Variants in PRKN observed in about 807,000 individuals in gnomAD.
PRKN encodes E3 ubiquitin-protein ligase parkin.
Under a neutral mutation model 59.5 loss-of-function variants are expected in PRKN, and 56 were observed. The observed-to-expected ratio is 0.94, with a 90% CI of 0.76 to 1.18. The LOEUF (loss-of-function observed/expected upper bound fraction) is 1.18, where lower values mean the gene tolerates loss of function less well. PRKN is among the 50% of genes most tolerant of loss of function. The pLI, the probability that PRKN is intolerant of heterozygous loss-of-function variation, is 0.00. For synonymous variants in PRKN, 250 were observed against 222.1 expected, an observed-to-expected ratio of 1.13 and a Z score of -1.12; for missense variants, 657 against 596.4, an observed-to-expected ratio of 1.10 and a Z score of -1.06.
intron 6 of PRKN, among the ~76,000 whole-genome samples, chr6:161,856,361 A>AAAATAAATAAATAAAT (rs113381073): frequency 2.3e-4 from 35 of 149,466 alleles, no homozygotes; most frequent in African/African-American, 5.9e-4. Context: ...ATGCCATCTC[A>AAAATAAATAAATAAAT]AAATAAATAA....
chr6:162,320,774 A>G (rs1782987437), intron 2 of PRKN, among the ~76,000 whole-genome samples: 2 of 151,838 alleles, frequency 1.3e-5, no homozygotes, highest in African/African-American at 4.8e-5. Context: ...TGAAAAAATG[A>G]AAATGCATTT....
intron 5 of PRKN, among the ~76,000 whole-genome samples, chr6:162,022,518 C>T (rs182412092): frequency 1.3e-4 from 20 of 152,018 alleles, no homozygotes; most frequent in Admixed American, 5.9e-4. Context: ...CCCTTTTAAC[C>T]GGTCTTTATT....
chr6:162,687,158 C>A (rs953164583), intron 1 of PRKN, among the ~76,000 whole-genome samples: 2 of 149,112 alleles, frequency 1.3e-5, no homozygotes, highest in South Asian at 2.1e-4. Flanking sequence ...TTCTTCTGAT[C>A]TATGATTAGA....
At chr6:162,543,864 G>C (rs938856696) in intron 1 of PRKN, among the ~76,000 whole-genome samples, 4 of 152,150 alleles carry the variant, frequency 2.6e-5, no homozygotes, top group African/African-American at 4.8e-5. Context: ...GCAAGGTGCA[G>C]GCCCAGCAAA....
rs1240306663 is a variant in PRKN, at chr6:161,386,844, G to T, written c.1117C>A (p.His373Asn). 2 of 1,613,926 alleles carry T rather than the reference G, an allele frequency of 1.2e-6. No individual in the cohort carries two copies. The highest frequency in any genetic ancestry group is 3.3e-5 in the Admixed American group (2 of 59,992). ...AFCRECKEAY[H>N]EGECSAVFEA... ...AATACGGCACTGCACTCCCCTTCAT[G>T]GTACGCTTCTTTACATTCCCGGCAG... Residue 373 changes from histidine (H) to asparagine (N), a missense_variant, in exon 10 of 12, where the codon CAT (histidine) becomes AAT (asparagine). Transcript: ENST00000366898. This position sits in a 1 kb window ranked among gnomAD's most constrained non-coding sequence, Gnocchi z 4.3.
chr6:161,687,871 A>C (rs1169403556), intron 7 of PRKN, among the ~76,000 whole-genome samples: 1 of 152,170 alleles, frequency 6.6e-6, no homozygotes, highest in Non-Finnish European at 1.5e-5. Context: ...CTCTGCTTTA[A>C]TTACTTACTT....
intron 3 of PRKN, among the ~76,000 whole-genome samples, chr6:162,225,122 G>A (rs990433041): frequency 2.0e-5 from 3 of 152,170 alleles, no homozygotes; most frequent in African/African-American, 4.8e-5. Context: ...ACAGCAACAC[G>A]TGGTGAGAGC....
chr6:161,354,013 C>G lies in PRKN; in HGVS notation c.1286-3802G>C, dbSNP rs1255410505. Reference sequence around the variant, plus strand: ...CATGTTGTTTGTTCTACACTTAGACCGAATGCCAAAAATTAATACCAAGCA... The same window carrying G: ...CATGTTGTTTGTTCTACACTTAGACGGAATGCCAAAAATTAATACCAAGCA... On this transcript the variant is annotated intron_variant, in intron 11 of 11. Coordinates refer to ENST00000366898, the MANE Select transcript of PRKN (RefSeq NM_004562.3). This position sits in a 1 kb window ranked among gnomAD's most constrained non-coding sequence, Gnocchi z 6.7. Among the ~76,000 whole-genome samples, 2 of 152,108 alleles carry G rather than the reference C, an allele frequency of 1.3e-5. No individual in the cohort carries two copies. The highest frequency in any genetic ancestry group is 4.8e-5 in the African/African-American group (2 of 41,416).
intron 6 of PRKN, among the ~76,000 whole-genome samples, chr6:161,829,464 T>G (rs901437424): frequency 2.0e-5 from 3 of 152,154 alleles, no homozygotes; most frequent in Non-Finnish European, 2.9e-5. Flanking sequence ...CACTGATCTT[T>G]AGGCTCTCTG....
intron 1 of PRKN, among the ~76,000 whole-genome samples, chr6:162,500,896 T>C (rs189885961): frequency 1.3e-5 from 2 of 152,322 alleles, no homozygotes; most frequent in East Asian, 3.9e-4. Context: ...TTGGGTGCAG[T>C]GGTTCATGCC....
intron 1 of PRKN, among the ~76,000 whole-genome samples, chr6:162,640,605 C>T (rs926241209): frequency 4.6e-5 from 7 of 152,180 alleles, no homozygotes; most frequent in Non-Finnish European, 1.5e-5. Context: ...AAATTAGTCT[C>T]ATCAGTTCAT....
chr6:162,153,694 A>G (rs1340617705), intron 4 of PRKN, among the ~76,000 whole-genome samples: 1 of 152,098 alleles, frequency 6.6e-6, no homozygotes, highest in East Asian at 1.9e-4. Context: ...GGAGCTGGAA[A>G]GGGGATGGGA....
At chr6:161,641,649 G>A (rs1022029826) in intron 7 of PRKN, among the ~76,000 whole-genome samples, 5 of 152,116 alleles carry the variant, frequency 3.3e-5, no homozygotes, top group South Asian at 2.1e-4. Context: ...TTGATAAATC[G>A]GCTCTGTCTA....
At chr6:161,976,945 G>T (rs1781056644) in intron 5 of PRKN, among the ~76,000 whole-genome samples, 1 of 152,178 alleles carries the variant, frequency 6.6e-6, no homozygotes, top group African/African-American at 2.4e-5. Context: ...GGGGGTAGGT[G>T]TTTATAGATA....
chr6:162,628,168 A>G (rs1782971034), intron 1 of PRKN, among the ~76,000 whole-genome samples: 1 of 152,172 alleles, frequency 6.6e-6, no homozygotes, highest in African/African-American at 2.4e-5. Context: ...GCAGAGAAAA[A>G]AGGTCGTTTC....
intron 9 of PRKN, among the ~76,000 whole-genome samples, chr6:161,501,441 C>A (rs1301461037): frequency 6.6e-6 from 1 of 152,092 alleles, no homozygotes; most frequent in Non-Finnish European, 1.5e-5. Flanking sequence ...TTCTGTTCAG[C>A]TCTTTTGCCC....
intron 3 of PRKN, among the ~76,000 whole-genome samples, chr6:162,221,232 T>G (rs1343905329): frequency 1.3e-5 from 2 of 152,240 alleles, no homozygotes; most frequent in Admixed American, 1.3e-4. Context: ...TTCGCCTCAG[T>G]CCTAGTGCCC....
intron 1 of PRKN, among the ~76,000 whole-genome samples, chr6:162,470,807 A>C (rs1791694652): frequency 6.6e-6 from 1 of 151,926 alleles, no homozygotes; most frequent in Non-Finnish European, 1.5e-5. Context: ...CCCAGGCTGG[A>C]ATGCAGTGGT....
intron 4 of PRKN, among the ~76,000 whole-genome samples, chr6:162,174,513 T>C (rs976669207): frequency 6.7e-6 from 1 of 149,342 alleles, no homozygotes; most frequent in Non-Finnish European, 1.5e-5. Context: ...ATCTTAACTC[T>C]GAAGTTAAAA....
Sources: allele counts gnomAD v4.1 joint callset (sites outside exome capture counted in the v4.1 genomes callset), GRCh38; gene constraint gnomAD v4.1.1; non-coding constraint Gnocchi (gnomAD v3.1); transcripts MANE v1.5; gene names NCBI Gene and HGNC (gene_info 2026-07-23, HGNC 2026-07-21).